The following ROBO1 variants were observed in gnomAD, a reference collection of about 807,000 sequenced individuals.
ROBO1 encodes roundabout guidance receptor 1.
Under a neutral mutation model 195.9 loss-of-function variants are expected in ROBO1, and 149 were observed. The ratio of observed to expected loss-of-function variants is 0.76; its 90% CI spans 0.67 to 0.87. The LOEUF (loss-of-function observed/expected upper bound fraction) is 0.87, where lower values mean the gene tolerates loss of function less well. Ranked by LOEUF, ROBO1 falls within the 40% of genes least tolerant of loss-of-function variation. The pLI, the probability that ROBO1 is intolerant of heterozygous loss-of-function variation, is 0.00. For missense variants in ROBO1, 1,933 were observed against 2,068.3 expected (o/e 0.93, Z 1.27); for synonymous variants, 816 against 733.2 (o/e 1.11, Z -1.82).
At chr3:78,913,704 T>C (rs1160286212) in intron 4 of ROBO1, among the ~76,000 whole-genome samples, 2 of 152,086 alleles carry the variant, frequency 1.3e-5, no homozygotes, top group African/African-American at 4.8e-5. Context: ...ACTTGTGAAA[T>C]GTTAGAGTTT....
chr3:79,116,944 T>A (rs1434887064), intron 3 of ROBO1, among the ~76,000 whole-genome samples: 1 of 152,214 alleles, frequency 6.6e-6, no homozygotes, highest in East Asian at 1.9e-4. Context: ...TTAATTGCTT[T>A]TTAAAAGAGA....
At chr3:79,594,480 A>G (rs1047280923) in intron 1 of ROBO1, among the ~76,000 whole-genome samples, 1 of 152,056 alleles carries the variant, frequency 6.6e-6, no homozygotes, top group South Asian at 2.1e-4. Flanking sequence ...ATATGTGATT[A>G]CCAAATTGTT....
At chr3:78,786,613 C>A (rs1277844289) in intron 4 of ROBO1, among the ~76,000 whole-genome samples, 36 of 151,874 alleles carry the variant, frequency 2.4e-4, no homozygotes, top group Admixed American at 2.3e-3. Flanking sequence ...TGGGTTTTTC[C>A]CATGCTGTTC....
intron 1 of ROBO1, among the ~76,000 whole-genome samples, chr3:79,667,447 A>G (rs1479330934): frequency 1.3e-5 from 2 of 151,824 alleles, no homozygotes; most frequent in African/African-American, 2.4e-5. Flanking sequence ...TCTTTGTGAT[A>G]TTGTGTAAAA....
At chr3:78,955,135 T>C (rs954170200) in intron 3 of ROBO1, among the ~76,000 whole-genome samples, 5 of 150,108 alleles carry the variant, frequency 3.3e-5, no homozygotes, top group African/African-American at 1.2e-4. Context: ...CTGTGTGTCA[T>C]GGAGTTATAT....
At chr3:78,648,383 C>T (rs1706434405) in intron 19 of ROBO1, among the ~76,000 whole-genome samples, 1 of 152,002 alleles carries the variant, frequency 6.6e-6, no homozygotes, top group South Asian at 2.1e-4. Context: ...TTAGAAGCTT[C>T]CTAGAAGTAG....
intron 28 of ROBO1, among the ~76,000 whole-genome samples, chr3:78,611,382 A>G (rs1027646835): frequency 2.6e-5 from 4 of 152,222 alleles, no homozygotes; most frequent in African/African-American, 9.6e-5. Context: ...GAAAGAATCT[A>G]TTAGAAGGTC....
chr3:79,352,886 A>G (rs2035399699), intron 2 of ROBO1, among the ~76,000 whole-genome samples: 1 of 152,192 alleles, frequency 6.6e-6, no homozygotes, highest in Non-Finnish European at 1.5e-5. Flanking sequence ...ATATATATAT[A>G]CACTCATTTA....
intron 4 of ROBO1, among the ~76,000 whole-genome samples, chr3:78,885,938 T>TATATATATAC (rs1319841027): frequency 1.4e-5 from 2 of 144,940 alleles, no homozygotes; most frequent in African/African-American, 5.0e-5. Context: ...TATATATATA[T>TATATATATAC]ATACATACAT....
At chr3:79,077,842 T>C (rs2079200087) in intron 3 of ROBO1, among the ~76,000 whole-genome samples, 1 of 151,902 alleles carries the variant, frequency 6.6e-6, no homozygotes, top group Non-Finnish European at 1.5e-5. Context: ...TTTTGTTGTC[T>C]TGTGCTATTT....
At chr3:78,764,963 T>C (rs1391882546) in intron 4 of ROBO1, among the ~76,000 whole-genome samples, 3 of 152,090 alleles carry the variant, frequency 2.0e-5, no homozygotes, top group African/African-American at 7.2e-5. Flanking sequence ...ATTTCATACA[T>C]GAGGAAGTTA....
At chr3:79,155,230 A>C (rs935365422) in intron 2 of ROBO1, among the ~76,000 whole-genome samples, 12 of 151,636 alleles carry the variant, frequency 7.9e-5, no homozygotes, top group East Asian at 3.9e-4. Flanking sequence ...TTGCTAAGTC[A>C]TATTCTACAA....
At chr3:78,981,118 T>C (rs2076981654) in intron 3 of ROBO1, among the ~76,000 whole-genome samples, 1 of 152,202 alleles carries the variant, frequency 6.6e-6, no homozygotes, top group African/African-American at 2.4e-5. Context: ...AAAATTCGAC[T>C]TTCCCAAGCT....
intron 4 of ROBO1, among the ~76,000 whole-genome samples, chr3:78,795,605 T>C (rs1487138): frequency 0.046 from 6,925 of 152,070 alleles, 143 homozygotes; most frequent in African/African-American, 0.15. Flanking sequence ...ATGAAGATGA[T>C]TGATAACTTC....
At chr3:79,154,452 T>C (rs920285308) in intron 2 of ROBO1, among the ~76,000 whole-genome samples, 1 of 151,768 alleles carries the variant, frequency 6.6e-6, no homozygotes, top group Admixed American at 6.6e-5. Flanking sequence ...CTGTATTGCA[T>C]TTCATATGAG....
chr3:79,480,782 A>G (rs1938801593), intron 2 of ROBO1, among the ~76,000 whole-genome samples: 1 of 152,092 alleles, frequency 6.6e-6, no homozygotes, highest in South Asian at 2.1e-4. Flanking sequence ...TATCAGCTTT[A>G]CTTTAACAAA....
intron 2 of ROBO1, among the ~76,000 whole-genome samples, chr3:79,513,300 GTAA>G (rs1940799704): frequency 6.6e-6 from 1 of 151,770 alleles, no homozygotes; most frequent in Non-Finnish European, 1.5e-5. Flanking sequence ...ACTAAACTAT[GTAA>G]TAATACATCT....
intron 2 of ROBO1, among the ~76,000 whole-genome samples, chr3:79,182,570 T>TGTGTGTGTGTGC (rs779706587): frequency 1.3e-5 from 2 of 149,924 alleles, no homozygotes; most frequent in African/African-American, 5.0e-5. Context: ...TGTGTGTGTG[T>TGTGTGTGTGTGC]GCGTGCGTGC....
chr3:79,263,416 A>G (rs2082976590), intron 2 of ROBO1, among the ~76,000 whole-genome samples: 1 of 152,074 alleles, frequency 6.6e-6, no homozygotes, highest in African/African-American at 2.4e-5. Flanking sequence ...TGAGAGTCCA[A>G]GGCAGGAAAA....
Sources: gnomAD v4.1 joint callset for allele counts (sites outside exome capture counted in the v4.1 genomes callset) on GRCh38, gnomAD v4.1.1 for gene constraint, MANE v1.5 for transcripts, NCBI Gene and HGNC (gene_info 2026-07-23, HGNC 2026-07-21) for gene names.